Variants in RPSA2 observed in about 807,000 individuals in gnomAD.
The protein encoded by RPSA2 is small ribosomal subunit protein uS2B.
the RPSA2 span, among the ~76,000 whole-genome samples, chr19:23,860,254 C>T: frequency 6.6e-6 from 1 of 152,170 alleles, no homozygotes; most frequent in African/African-American, 2.4e-5. Flanking sequence ...CTCATCTCCA[C>T]ACGACCCTCC....
the RPSA2 span, among the ~76,000 whole-genome samples, chr19:23,834,937 G>A: frequency 1.3e-5 from 2 of 151,748 alleles, no homozygotes; most frequent in African/African-American, 2.4e-5. Flanking sequence ...CTTAATTTCT[G>A]TGGATATATG....
At chr19:23,761,926 T>TCTCTCTCTCTCTCTCTCTCTC in the RPSA2 span, among the ~76,000 whole-genome samples, 1 of 124,780 alleles carries the variant, frequency 8.0e-6, no homozygotes, top group South Asian at 2.7e-4. Context: ...CTTTCTTTTT[T>TCTCTCTCTCTCTCTCTCTCTC]TTTTTTTTTG....
chr19:23,808,716 C>A, the RPSA2 span: 1 of 693,274 alleles, frequency 1.4e-6, no homozygotes, highest in Non-Finnish European at 2.4e-6. Flanking sequence ...TTTAATAAAA[C>A]AGGTATTACT....
At chr19:23,834,950 T>C in the RPSA2 span, among the ~76,000 whole-genome samples, 1 of 152,102 alleles carries the variant, frequency 6.6e-6, no homozygotes, top group African/African-American at 2.4e-5. Context: ...GATATATGTT[T>C]ATATGTTTAT....
At chr19:23,838,625 C>T in the RPSA2 span, among the ~76,000 whole-genome samples, 1 of 152,018 alleles carries the variant, frequency 6.6e-6, no homozygotes, top group Non-Finnish European at 1.5e-5. Context: ...CTAATTCTTC[C>T]TGTTTTAAGC....
At chr19:23,847,093 A>G in the RPSA2 span, among the ~76,000 whole-genome samples, 1 of 152,056 alleles carries the variant, frequency 6.6e-6, no homozygotes, top group African/African-American at 2.4e-5. Context: ...ATTATTTTAA[A>G]AGACCTGTTT....
the RPSA2 span, among the ~76,000 whole-genome samples, chr19:23,855,882 C>T: frequency 5.9e-5 from 9 of 152,054 alleles, no homozygotes; most frequent in South Asian, 2.1e-4. Flanking sequence ...TAGGTGGCTC[C>T]GGAGGCAAAG....
the RPSA2 span, among the ~76,000 whole-genome samples, chr19:23,853,895 G>A: frequency 1.3e-5 from 2 of 152,206 alleles, no homozygotes; most frequent in Admixed American, 1.3e-4. Flanking sequence ...TTTAAGCCAG[G>A]AGGAAGGCCT....
the RPSA2 span, among the ~76,000 whole-genome samples, chr19:23,858,636 A>T: frequency 6.6e-6 from 1 of 152,214 alleles, no homozygotes; most frequent in Non-Finnish European, 1.5e-5. Context: ...GCAAACATAG[A>T]TAACCAAGGT....
chr19:23,854,437 ATTTG>A, the RPSA2 span, among the ~76,000 whole-genome samples: 1 of 152,088 alleles, frequency 6.6e-6, no homozygotes, highest in East Asian at 1.9e-4. Context: ...CTGTAGGTAA[ATTTG>A]TTTGTGCTGG....
the RPSA2 span, among the ~76,000 whole-genome samples, chr19:23,768,943 G>C: frequency 6.6e-6 from 1 of 152,116 alleles, no homozygotes; most frequent in African/African-American, 2.4e-5. Flanking sequence ...CCCAAAAAGA[G>C]ATTGTGACAT....
the RPSA2 span, among the ~76,000 whole-genome samples, chr19:23,794,853 T>C: frequency 5.1e-4 from 78 of 152,324 alleles, no homozygotes; most frequent in Middle Eastern, 0.017. Context: ...AATGTTGAGT[T>C]GATTTTTGTA....
At chr19:23,866,671 G>A in the RPSA2 span, among the ~76,000 whole-genome samples, 10 of 152,110 alleles carry the variant, frequency 6.6e-5, no homozygotes, top group Admixed American at 5.2e-4. Context: ...AGCCATGAGG[G>A]CATTCCCAGT....
the RPSA2 span, chr19:23,842,425 A>T: frequency 6.6e-6 from 1 of 152,218 alleles, no homozygotes; most frequent in Non-Finnish European, 1.5e-5. Context: ...GCAATATTTT[A>T]TTGGATAATT....
chr19:23,861,434 C>T, the RPSA2 span, among the ~76,000 whole-genome samples: 1 of 152,052 alleles, frequency 6.6e-6, no homozygotes. Flanking sequence ...GAATCCATGC[C>T]CACCATTTTT....
the RPSA2 span, among the ~76,000 whole-genome samples, chr19:23,837,191 C>T: frequency 2.6e-5 from 4 of 151,984 alleles, no homozygotes; most frequent in African/African-American, 9.7e-5. Context: ...CAGTTTTATT[C>T]TCCCACATGT....
At chr19:23,784,837 CAT>C in the RPSA2 span, among the ~76,000 whole-genome samples, 2 of 152,300 alleles carry the variant, frequency 1.3e-5, no homozygotes, top group South Asian at 2.1e-4. Flanking sequence ...TTTCAGCACA[CAT>C]ATGAGGCTGT....
At chr19:23,787,569 A>G in the RPSA2 span, among the ~76,000 whole-genome samples, 23 of 152,138 alleles carry the variant, frequency 1.5e-4, no homozygotes, top group Non-Finnish European at 2.5e-4. Context: ...AAATCGTGCC[A>G]CTGCACTCCA....
chr19:23,758,853 G>C, the RPSA2 span: 1 of 1,510,050 alleles, frequency 6.6e-7, no homozygotes, highest in East Asian at 2.3e-5. Flanking sequence ...ACACAGAGCA[G>C]TGAAGACGAG....
Sources: gnomAD v4.1 joint callset for allele counts (sites outside exome capture counted in the v4.1 genomes callset) on GRCh38, gnomAD v4.1.1 for gene constraint, MANE v1.5 for transcripts, NCBI Gene and HGNC (gene_info 2026-07-23, HGNC 2026-07-21) for gene names.